HMGXB4: variants seen among roughly 807,000 people sequenced by gnomAD.
HMGXB4 encodes HMG-box containing 4.
A neutral mutation model predicts 63.9 loss-of-function variants in HMGXB4; 27 were observed. That is an observed-to-expected ratio of 0.42 (90% CI 0.31 to 0.58). The LOEUF is 0.58. HMGXB4 is among the 20% of genes least tolerant of loss of function. The pLI, the probability that HMGXB4 is intolerant of heterozygous loss-of-function variation, is 0.13. For missense variants in HMGXB4, 624 were observed against 700.7 expected (o/e 0.89, Z 1.24); for synonymous variants, 264 against 265.3 (o/e 0.99, Z 0.05).
chr22:35,253,360 T>C (rs1922269264), upstream of HMGXB4, among the ~76,000 whole-genome samples: 1 of 152,178 alleles, frequency 6.6e-6, no homozygotes, highest in Admixed American at 6.5e-5. Context: ...AGACTTGTTT[T>C]ACATTGCCCA....
chr22:35,292,898 A>G, intron 9 of HMGXB4, 94 bp from the exon 10 acceptor site: 3 of 1,440,540 alleles, frequency 2.1e-6, no homozygotes, highest in East Asian at 4.6e-5. Flanking sequence ...TTATAAGAGT[A>G]GAACTGCCTA....
chr22:35,278,210 T>C (rs1924023971), intron 5 of HMGXB4, among the ~76,000 whole-genome samples: 1 of 152,224 alleles, frequency 6.6e-6, no homozygotes, highest in South Asian at 2.1e-4. Context: ...CACTGAATAA[T>C]ATTCCATTGT....
intron 5 of HMGXB4, among the ~76,000 whole-genome samples, chr22:35,281,924 GT>G (rs534300498): frequency 8.8e-4 from 134 of 152,184 alleles, no homozygotes; most frequent in Non-Finnish European, 1.7e-3. Flanking sequence ...TGGAATTAAA[GT>G]TGGAGTCATC....
At chr22:35,281,607 T>C (rs1223964744) in intron 5 of HMGXB4, among the ~76,000 whole-genome samples, 1 of 152,230 alleles carries the variant, frequency 6.6e-6, no homozygotes, top group Non-Finnish European at 1.5e-5. Context: ...AGTTTTATAA[T>C]ATGGCCAAAC....
chr22:35,274,023 CTTAAAT>C (rs1342925839), intron 5 of HMGXB4, among the ~76,000 whole-genome samples: 1 of 152,204 alleles, frequency 6.6e-6, no homozygotes, highest in Non-Finnish European at 1.5e-5. Flanking sequence ...TTACTCTGCT[CTTAAAT>C]CCTCCCAGGC....
chr22:35,270,342 C>G (rs908413233), intron 5 of HMGXB4, among the ~76,000 whole-genome samples: 3 of 152,208 alleles, frequency 2.0e-5, no homozygotes, highest in African/African-American at 7.2e-5. Flanking sequence ...CCATCACCCC[C>G]AGATGGGACC....
intron 5 of HMGXB4, among the ~76,000 whole-genome samples, chr22:35,272,006 G>T (rs956134905): frequency 6.6e-6 from 1 of 152,192 alleles, no homozygotes; most frequent in African/African-American, 2.4e-5. Flanking sequence ...CATCTCAGTG[G>T]CAATGGAAGT....
chr22:35,265,552 A>T lies in HMGXB4; in HGVS notation c.1164A>T (p.Glu388Asp), dbSNP rs761697027. ...GCCTCCACACAGATGGGCATAGTGA[A>T]AAAAAAAAGAAAAAAGAAGAGAAGG... Reference protein sequence around the residue: ...LPGLHTDGHSEKKKKKEEKDK... With the variant: ...LPGLHTDGHSDKKKKKEEKDK... Residue 388 changes from glutamate to aspartate, a missense_variant, in exon 5 of 11, where the codon GAA becomes GAT. Glu to Asp is a conservative substitution (Grantham distance 45). This residue lies in a region of HMGXB4 where 472 missense variants were observed against 470.6 expected (regional missense o/e 1.00). Coordinates refer to ENST00000216106, the MANE Select transcript of HMGXB4 (RefSeq NM_001003681.3). 6.3e-7 allele frequency: 1 copy of T among 1,585,492 alleles called. No individual in the cohort carries two copies. The highest frequency in any genetic ancestry group is 1.9e-5 in the Admixed American group (1 of 52,424).
At chr22:35,249,997 C>A in the HMGXB4 span, among the ~76,000 whole-genome samples, 1 of 97,940 alleles carries the variant, frequency 1.0e-5, no homozygotes, top group African/African-American at 2.6e-5. Flanking sequence ...CCAACCTTCC[C>A]TGAGAACTCT....
the HMGXB4 span, among the ~76,000 whole-genome samples, chr22:35,250,018 C>T: frequency 3.5e-4 from 34 of 96,680 alleles, 12 homozygotes; most frequent in Admixed American, 3.8e-3. Context: ...CAGGAACTGA[C>T]GCCACATACC....
chr22:35,275,822 G>A (rs562889329), intron 5 of HMGXB4, among the ~76,000 whole-genome samples: 1 of 152,260 alleles, frequency 6.6e-6, no homozygotes, highest in South Asian at 2.1e-4. Context: ...GTAGTAAAAT[G>A]GTAACATCAT....
chr22:35,263,975 T>A, intron 4 of HMGXB4, 101 bp downstream of exon 4: 1 of 1,581,354 alleles, frequency 6.3e-7, no homozygotes, highest in Non-Finnish European at 8.6e-7. Context: ...AGTGGCCTAT[T>A]TAACAGGACA....
At chr22:35,292,853 A>G (rs952193657) in intron 9 of HMGXB4, 139 bp from the exon 10 acceptor site, 2 of 968,626 alleles carry the variant, frequency 2.1e-6, no homozygotes, top group East Asian at 2.6e-5. Flanking sequence ...AGAGTTATCA[A>G]AGTAAACTTT....
chr22:35,276,781 A>C (rs1019343196), intron 5 of HMGXB4, among the ~76,000 whole-genome samples: 4 of 152,252 alleles, frequency 2.6e-5, no homozygotes, highest in African/African-American at 9.6e-5. Flanking sequence ...GACTGGCTTC[A>C]CCAGAAGAAT....
chr22:35,248,553 C>T, the HMGXB4 span, among the ~76,000 whole-genome samples: 557 of 151,992 alleles, frequency 3.7e-3, 4 homozygotes, highest in African/African-American at 0.013. Context: ...TACAGGCGCT[C>T]GCCACCACAC....
intron 5 of HMGXB4, among the ~76,000 whole-genome samples, chr22:35,279,955 C>A (rs1214701957): frequency 6.6e-6 from 1 of 152,074 alleles, no homozygotes; most frequent in Non-Finnish European, 1.5e-5. Context: ...TCAATACTGC[C>A]TTGTCCATTC....
intron 8 of HMGXB4, 32 bp downstream of exon 8, chr22:35,287,484 T>TAGAGA: frequency 1.3e-6 from 2 of 1,483,632 alleles, no homozygotes; most frequent in South Asian, 1.2e-5. Context: ...TGCTTTTCTC[T>TAGAGA]AAAGCATGTG....
chr22:35,265,602 A>C lies in HMGXB4; in HGVS notation c.1214A>C (p.Lys405Thr). The change falls in exon 5 of 11, where the codon AAG becomes ACG. Residue 405 changes from lysine (K) to threonine (T), a missense_variant and splice_region_variant. Transcript: ENST00000216106. ...EKDKERERGE[K>T]PKKKNMSAYQ... ...GACAAAGAGAGAGAGAGAGGAGAAA[A>C]GGTAAAGCATCTTTTAAGTGTGGTG... 1 of 1,565,504 alleles carries C rather than the reference A, an allele frequency of 6.4e-7. No individual in the cohort carries two copies. Among genetic ancestry groups the C allele is most frequent in the Non-Finnish European group, 8.6e-7 (1 of 1,158,564 alleles).
chr22:35,260,984 TTATAA>T (rs1487074195), intron 1 of HMGXB4, among the ~76,000 whole-genome samples: 1 of 152,218 alleles, frequency 6.6e-6, no homozygotes, highest in East Asian at 1.9e-4. Flanking sequence ...CTAAATACCC[TTATAA>T]TAATGAAGGT....
Sources: allele counts gnomAD v4.1 joint callset (sites outside exome capture counted in the v4.1 genomes callset), GRCh38; gene constraint gnomAD v4.1.1; regional missense constraint gnomAD v4.1.1; transcripts MANE v1.5; gene names NCBI Gene and HGNC (gene_info 2026-07-23, HGNC 2026-07-21).